The following MOCOS variants were observed in gnomAD, a reference collection of about 807,000 sequenced individuals.
MOCOS encodes human molybdenum cofactor sulfurase.
A neutral mutation model predicts 83.6 loss-of-function variants in MOCOS; 86 were observed. The ratio of observed to expected loss-of-function variants is 1.03; its 90% CI spans 0.86 to 1.23. MOCOS has a LOEUF of 1.23. Among genes scored for constraint, MOCOS ranks in the 50% most tolerant of loss-of-function variants. MOCOS has a pLI of 0.00. For synonymous variants in MOCOS, 445 were observed against 434.7 expected, an observed-to-expected ratio of 1.02 and a Z score of -0.29; for missense variants, 1,120 against 1,126.9, an observed-to-expected ratio of 0.99 and a Z score of 0.09.
intron 14 of MOCOS, among the ~76,000 whole-genome samples, chr18:36,267,368 A>G (rs777913438): frequency 2.0e-5 from 3 of 152,256 alleles, no homozygotes; most frequent in Non-Finnish European, 4.4e-5. Flanking sequence ...TCAGGCTTAT[A>G]CTTTCTGTTA....
At chr18:36,215,468 CTA>C (rs1568054836) in intron 7 of MOCOS, 46 bp from the exon 8 acceptor site, 6 of 1,564,468 alleles carry the variant, frequency 3.8e-6, no homozygotes, top group Non-Finnish European at 5.3e-6. Context: ...TCCAGTGTCT[CTA>C]TGAGAAAGGG....
intron 11 of MOCOS, among the ~76,000 whole-genome samples, chr18:36,254,149 T>A (rs1175645308): frequency 6.6e-6 from 1 of 152,110 alleles, no homozygotes; most frequent in East Asian, 1.9e-4. Context: ...CCCCTTAGGG[T>A]CCCATGTTCT....
Sources: allele counts gnomAD v4.1 joint callset (sites outside exome capture counted in the v4.1 genomes callset), GRCh38; gene constraint gnomAD v4.1.1; transcripts MANE v1.5; gene names NCBI Gene and HGNC (gene_info 2026-07-23, HGNC 2026-07-21).